The following TULP4 variants were observed in gnomAD, a reference collection of about 807,000 sequenced individuals.
The protein encoded by TULP4 is tubby-related protein 4.
Under a neutral mutation model 129.0 loss-of-function variants are expected in TULP4, and 16 were observed. The observed-to-expected ratio is 0.12, with a 90% CI of 0.08 to 0.19. The LOEUF is 0.19. Ranked by LOEUF, TULP4 falls within the 10% of genes least tolerant of loss-of-function variation. TULP4 has a pLI of 1.00. For missense variants in TULP4, 1,842 were observed against 2,059.1 expected (o/e 0.89, Z 2.04); for synonymous variants, 998 against 854.0 (o/e 1.17, Z -2.94).
At chr6:158,443,947 C>A (rs113993837) in intron 3 of TULP4, among the ~76,000 whole-genome samples, 1 of 151,958 alleles carries the variant, frequency 6.6e-6, no homozygotes, top group Non-Finnish European at 1.5e-5. Flanking sequence ...TGGCCGGGTG[C>A]GGTGGCTCAC....
chr6:158,383,279 G>A (rs971020079), intron 1 of TULP4, among the ~76,000 whole-genome samples: 68 of 152,182 alleles, frequency 4.5e-4, no homozygotes, highest in African/African-American at 1.6e-3. Context: ...TCCTAGAGGT[G>A]TCAAGGGGTG....
intron 1 of TULP4, among the ~76,000 whole-genome samples, chr6:158,341,012 G>A (rs1780168564): frequency 1.3e-5 from 2 of 151,992 alleles, no homozygotes; most frequent in African/African-American, 4.8e-5. Flanking sequence ...GTATGCTACT[G>A]AACACTAGAT....
chr6:158,479,710 A>C (rs1408967043), intron 6 of TULP4, 41 bp from the exon 7 acceptor site: 3 of 1,590,670 alleles, frequency 1.9e-6, no homozygotes, highest in Non-Finnish European at 2.6e-6. Context: ...TTCCCACAAG[A>C]GCAAAAGCTT....
At chr6:158,276,845 G>T (rs765507303) in intron 1 of TULP4, among the ~76,000 whole-genome samples, 3 of 152,250 alleles carry the variant, frequency 2.0e-5, no homozygotes, top group East Asian at 1.9e-4. Context: ...AGGTATTATG[G>T]AAATAGAGAA....
rs763574764 is a variant in TULP4, at chr6:158,503,590, A to G, written c.3927A>G (p.Val1309=). ...GCCACTTGGGCACAGAGGTGATGGTAGAGACTGCAGACAACTTCCAGGAAG... is the reference window on the plus strand; with the variant it reads ...GCCACTTGGGCACAGAGGTGATGGTGGAGACTGCAGACAACTTCCAGGAAG... The part of the protein sequence containing the change: ...LQSHLGTEVM[V]ETADNFQEVL... The change falls in exon 13 of 14, where the codon GTA becomes GTG. Residue 1309 remains valine, a synonymous_variant. Coordinates refer to ENST00000367097, the MANE Select transcript of TULP4 (RefSeq NM_020245.5). This position sits in a 1 kb window ranked among gnomAD's most constrained non-coding sequence, Gnocchi z 4.3. 5.6e-6 allele frequency: 9 copies of G among 1,614,052 alleles called. No individual in the cohort carries two copies. Among genetic ancestry groups the G allele is most frequent in the South Asian group, 1.1e-5 (1 of 91,074 alleles).
At chr6:158,425,879 C>G (rs926001685) in intron 2 of TULP4, among the ~76,000 whole-genome samples, 4 of 152,168 alleles carry the variant, frequency 2.6e-5, no homozygotes, top group East Asian at 3.9e-4. Context: ...TAGGCGTGAG[C>G]CACCTCGCCC....
chr6:158,315,128 T>C (rs947613977), intron 1 of TULP4, among the ~76,000 whole-genome samples: 2 of 152,238 alleles, frequency 1.3e-5, no homozygotes, highest in African/African-American at 2.4e-5. Flanking sequence ...ATTAAATAGC[T>C]ACTGTAAAGG....
rs1452481317 is a variant in TULP4, at chr6:158,489,617, A to C, written c.1516A>C (p.Thr506Pro). 1.2e-6 allele frequency: 2 copies of C among 1,614,082 alleles called. No homozygotes were observed. Among genetic ancestry groups the C allele is most frequent in the African/African-American group, 1.3e-5 (1 of 74,938 alleles). The change falls in exon 9 of 14, where the codon ACT becomes CCT. Residue 506 changes from threonine to proline, a missense_variant. Physicochemically the swap from Thr to Pro is conservative, Grantham distance 38 (BLOSUM62 -1). Around this residue, in one of 5 missense-constraint regions of TULP4, gnomAD observed 456 missense variants for 534.3 expected, o/e 0.85. Coordinates refer to ENST00000367097, the MANE Select transcript of TULP4 (RefSeq NM_020245.5). ...DEIYGNSLISTVIDSCNCSDS... is the reference protein window; with the variant it reads ...DEIYGNSLISPVIDSCNCSDS... The stretch of plus-strand genomic sequence containing the variant: ...AATCTATGGGAACAGCTTGATTTCT[A>C]CTGTGATCGACAGCTGCAACTGCTC...
At chr6:158,338,202 G>A (rs1408486075) in intron 1 of TULP4, among the ~76,000 whole-genome samples, 1 of 152,078 alleles carries the variant, frequency 6.6e-6, no homozygotes, top group Non-Finnish European at 1.5e-5. Context: ...GCAGTAGTGT[G>A]ATCATAGCTC....
intron 1 of TULP4, among the ~76,000 whole-genome samples, chr6:158,305,156 C>G (rs1243921843): frequency 6.6e-6 from 1 of 152,114 alleles, no homozygotes; most frequent in Non-Finnish European, 1.5e-5. Context: ...TTCTATGAAT[C>G]CTACTGCTAT....
At chr6:158,285,647 G>A (rs988854449) in intron 1 of TULP4, among the ~76,000 whole-genome samples, 4 of 152,192 alleles carry the variant, frequency 2.6e-5, no homozygotes, top group African/African-American at 4.8e-5. Context: ...GTAGTTGTAA[G>A]CACATGTATT....
intron 1 of TULP4, among the ~76,000 whole-genome samples, chr6:158,349,325 G>GAA (rs2114788284): frequency 7.3e-6 from 1 of 137,514 alleles, no homozygotes; most frequent in South Asian, 2.4e-4. Context: ...CATCCCAGAT[G>GAA]GGGCGGCCGG....
In TULP4 at chr6:158,413,447, A is replaced by T. The variant is rs1193929818; in HGVS notation, c.381+254A>T. Among the ~76,000 whole-genome samples the T allele has an allele frequency of 2.6e-5, 4 of 152,164 alleles. No homozygotes were observed. Among genetic ancestry groups the T allele is most frequent in the African/African-American group, 9.7e-5 (4 of 41,428 alleles). The stretch of plus-strand genomic sequence containing the variant: ...TCTCCAACTTTCAAACTTTAATCAG[A>T]TCTGTGAAGTCATTTTTTACCCTTC... On this transcript the variant is annotated intron_variant, in intron 2 of 13. Transcript: ENST00000367097. This position sits in a 1 kb window ranked among gnomAD's most constrained non-coding sequence, Gnocchi z 4.9.
At chr6:158,345,545 T>C (rs545900400) in intron 1 of TULP4, among the ~76,000 whole-genome samples, 1 of 152,350 alleles carries the variant, frequency 6.6e-6, no homozygotes, top group South Asian at 2.1e-4. Context: ...GATGCCCACC[T>C]GAGCCACAAA....
At chr6:158,386,784 C>G (rs1774560) in intron 1 of TULP4, among the ~76,000 whole-genome samples, 1 of 151,186 alleles carries the variant, frequency 6.6e-6, no homozygotes, top group Non-Finnish European at 1.5e-5. Flanking sequence ...TCTGTTTTCT[C>G]TATTTGTAAA....
chr6:158,278,897 C>T (rs920178343), upstream of TULP4, among the ~76,000 whole-genome samples: 11 of 151,576 alleles, frequency 7.3e-5, no homozygotes, highest in African/African-American at 2.7e-4. Context: ...TTACGTAGGC[C>T]CCATGGGGAT....
At chr6:158,254,900 T>C (rs563800139) in intron 1 of TULP4, among the ~76,000 whole-genome samples, 1 of 152,232 alleles carries the variant, frequency 6.6e-6, no homozygotes, top group South Asian at 2.1e-4. Context: ...GGCGAAACCC[T>C]GTCTCTACTA....
intron 1 of TULP4, among the ~76,000 whole-genome samples, chr6:158,372,161 C>T (rs1479478586): frequency 3.8e-3 from 51 of 13,284 alleles, no homozygotes; most frequent in African/African-American, 6.7e-3. Context: ...TCCATTCTAT[C>T]TGCTTTTTTT....
intron 1 of TULP4, among the ~76,000 whole-genome samples, chr6:158,294,375 A>T (rs950802556): frequency 2.0e-4 from 29 of 147,832 alleles, no homozygotes; most frequent in Non-Finnish European, 3.8e-4. Flanking sequence ...AAAAAAAAAT[A>T]AAAAAAAAAA....
Sources: allele counts gnomAD v4.1 joint callset (sites outside exome capture counted in the v4.1 genomes callset), GRCh38; gene constraint gnomAD v4.1.1; regional missense constraint gnomAD v4.1.1; non-coding constraint Gnocchi (gnomAD v3.1); transcripts MANE v1.5; gene names NCBI Gene and HGNC (gene_info 2026-07-23, HGNC 2026-07-21).